The following CUX1 variants were observed in gnomAD, a reference collection of about 807,000 sequenced individuals.
CUX1 encodes the protein protein CASP.
CUX1 carries 31 observed loss-of-function variants against 158.8 expected under a neutral mutation model. The observed-to-expected ratio is 0.20, with a 90% CI of 0.15 to 0.26. The LOEUF is 0.26. CUX1 is among the 10% of genes least tolerant of loss of function. CUX1 has a pLI of 1.00. For missense variants in CUX1, 1,589 were observed against 2,014.6 expected, an observed-to-expected ratio of 0.79 and a Z score of 4.04; for synonymous variants, 879 against 862.1, an observed-to-expected ratio of 1.02 and a Z score of -0.34.
chr7:102,109,908 T>C (rs1371553826), intron 6 of CUX1, among the ~76,000 whole-genome samples: 1 of 152,154 alleles, frequency 6.6e-6, no homozygotes, highest in Non-Finnish European at 1.5e-5. Context: ...ACAATGATCG[T>C]TGAGGGACTG....
At chr7:101,887,842 C>CCTTTTTTTTTTTTTTTTTTTTTT (rs1562966470) in intron 1 of CUX1, among the ~76,000 whole-genome samples, 4 of 135,036 alleles carry the variant, frequency 3.0e-5, no homozygotes. Flanking sequence ...ATGACGGTGA[C>CCTTTTTTTTTTTTTTTTTTTTTT]ATTTTTTTTT....
intron 2 of CUX1, among the ~76,000 whole-genome samples, chr7:102,017,468 C>G (rs1175762363): frequency 8.9e-6 from 1 of 111,908 alleles, no homozygotes; most frequent in Non-Finnish European, 2.0e-5. Context: ...CCTCACCATT[C>G]TCGCTAAGCT....
chr7:102,052,119 A>G (rs409420), intron 3 of CUX1, among the ~76,000 whole-genome samples: 127,726 of 152,114 alleles, frequency 0.84, 53,752 homozygotes, highest in East Asian at 0.99. Context: ...TACTCAGGAG[A>G]CTGAGGCAGG....
intron 14 of CUX1, among the ~76,000 whole-genome samples, chr7:102,268,940 C>CTTTT (rs34870289): frequency 1.7e-4 from 25 of 143,294 alleles, no homozygotes; most frequent in South Asian, 4.5e-4. Context: ...GGATTAATTA[C>CTTTT]TTTTTTTTTT....
At chr7:102,204,593 C>A in intron 19 of CUX1, 37 bp downstream of exon 19, 1 of 1,603,370 alleles carries the variant, frequency 6.2e-7, no homozygotes, top group Non-Finnish European at 8.5e-7. Context: ...GGGCTGCCCC[C>A]CCATAGCAAG....
chr7:102,173,940 G>T (rs1162468991), intron 10 of CUX1, among the ~76,000 whole-genome samples: 1 of 152,088 alleles, frequency 6.6e-6, no homozygotes, highest in Non-Finnish European at 1.5e-5. Flanking sequence ...CGGAAAAATG[G>T]TCTGTTGGGC....
At chr7:102,053,869 G>A (rs1212185170) in intron 3 of CUX1, among the ~76,000 whole-genome samples, 4 of 143,138 alleles carry the variant, frequency 2.8e-5, no homozygotes, top group Non-Finnish European at 4.5e-5. Context: ...GCAGTGTCAC[G>A]ATCTCGGCTC....
At chr7:101,880,091 G>A (rs980449192) in intron 1 of CUX1, among the ~76,000 whole-genome samples, 5 of 152,040 alleles carry the variant, frequency 3.3e-5, no homozygotes, top group Non-Finnish European at 7.4e-5. Context: ...TTTTTAAAAA[G>A]GCTGTTTTTT....
rs1460963771 is a variant in CUX1, at chr7:102,252,360, C to T, written c.*3318C>T. 1 of 985,410 alleles carries T rather than the reference C, an allele frequency of 1.0e-6. No individual in the cohort carries two copies. The highest frequency in any genetic ancestry group is 1.7e-5 in the African/African-American group (1 of 57,234). The allele number at this position is 985,410 out of a possible 1,614,324, so 61.0% of individuals were successfully genotyped here. On this transcript the variant is annotated 3_prime_UTR_variant, in exon 24 of 24. Transcript: ENST00000292535. ...GGCTCCCCTTCAGCAGGCTGGCATT[C>T]CAAGCAGTGGCCCCCGCAGGCAGCC...
At chr7:102,282,353 G>C (rs182318895) in intron 21 of CUX1, among the ~76,000 whole-genome samples, 18 of 152,276 alleles carry the variant, frequency 1.2e-4, no homozygotes, top group African/African-American at 4.1e-4. Flanking sequence ...TGCCAAGTTG[G>C]GGGAGAAGAG....
intron 3 of CUX1, among the ~76,000 whole-genome samples, chr7:102,045,140 G>C (rs566249093): frequency 6.6e-6 from 1 of 152,312 alleles, no homozygotes; most frequent in South Asian, 2.1e-4. Context: ...TTAGGGACCC[G>C]TCGGACTGCG....
chr7:101,855,009 A>T (rs1330577328), intron 1 of CUX1, among the ~76,000 whole-genome samples: 4 of 152,230 alleles, frequency 2.6e-5, no homozygotes, highest in African/African-American at 9.6e-5. Flanking sequence ...TGCTGGGATG[A>T]CAGGTGTGAG....
chr7:102,216,683 TC>T (rs1339415753), intron 20 of CUX1, among the ~76,000 whole-genome samples: 1 of 12,092 alleles, frequency 8.3e-5, no homozygotes, highest in African/African-American at 2.2e-4. Flanking sequence ...ACACACACAC[TC>T]CCCCACACAC....
intron 3 of CUX1, among the ~76,000 whole-genome samples, chr7:102,060,492 A>T (rs1157802518): frequency 1.3e-5 from 2 of 151,950 alleles, no homozygotes; most frequent in African/African-American, 4.8e-5. Flanking sequence ...TTATAATCAC[A>T]ACAGCTCAAC....
chr7:101,870,288 G>A (rs1305998453), intron 1 of CUX1, among the ~76,000 whole-genome samples: 3 of 151,384 alleles, frequency 2.0e-5, no homozygotes, highest in Non-Finnish European at 4.4e-5. Flanking sequence ...TGAGTATCTA[G>A]GACTACAGGC....
In CUX1 at chr7:102,178,499, A is replaced by G; in HGVS notation, c.859A>G (p.Ser287Gly). 6.2e-7 allele frequency: 1 copy of G among 1,611,452 alleles called. No homozygotes were observed. Among genetic ancestry groups the G allele is most frequent in the Non-Finnish European group, 8.5e-7 (1 of 1,177,838 alleles). Residue 287 changes from serine to glycine, a missense_variant, in exon 11 of 24, where the codon AGC becomes GGC. This residue lies in a region of CUX1 where 515 missense variants were observed against 574.4 expected (regional missense o/e 0.90). Transcript: ENST00000292535. Reference protein sequence around the residue: ...EQAIEVLTRSSLEVELAAKER... With the variant: ...EQAIEVLTRSGLEVELAAKER... ...GGCCATAGAGGTGCTGACCCGCTCC[A>G]GCCTAGAAGTTGAGTTGGCCGCCAA... is the stretch of plus-strand genomic sequence containing the variant.
intron 4 of CUX1, among the ~76,000 whole-genome samples, chr7:102,090,512 C>G (rs1389278533): frequency 4.0e-5 from 6 of 151,878 alleles, no homozygotes; most frequent in Non-Finnish European, 8.8e-5. Flanking sequence ...CTCAGCCTCC[C>G]GAGTAGCTGG....
intron 2 of CUX1, among the ~76,000 whole-genome samples, chr7:102,016,979 A>G (rs972701144): frequency 6.6e-6 from 1 of 152,166 alleles, no homozygotes; most frequent in Non-Finnish European, 1.5e-5. Context: ...CCTGTCTAGC[A>G]CAGGAGTCCC....
intron 20 of CUX1, among the ~76,000 whole-genome samples, chr7:102,209,880 ATTTAT>A (rs782424167): frequency 6.6e-6 from 1 of 151,840 alleles, no homozygotes; most frequent in African/African-American, 2.4e-5. Flanking sequence ...ATCTTATTCT[ATTTAT>A]TTTATTTATT....
Sources: gnomAD v4.1 joint callset for allele counts (sites outside exome capture counted in the v4.1 genomes callset) on GRCh38, gnomAD v4.1.1 for gene constraint, gnomAD v4.1.1 regional missense constraint, MANE v1.5 for transcripts, NCBI Gene and HGNC (gene_info 2026-07-23, HGNC 2026-07-21) for gene names.